MFNG: variants seen among roughly 807,000 people sequenced by gnomAD.
MFNG encodes beta-1,3-N-acetylglucosaminyltransferase manic fringe.
A neutral mutation model predicts 34.2 loss-of-function variants in MFNG; 24 were observed. The ratio of observed to expected loss-of-function variants is 0.70; its 90% CI spans 0.51 to 0.99. MFNG has a LOEUF of 0.99. MFNG is among the 50% of genes least tolerant of loss of function. MFNG has a pLI of 0.00. For synonymous variants in MFNG, 158 were observed against 179.2 expected, an observed-to-expected ratio of 0.88 and a Z score of 0.94; for missense variants, 383 against 424.0, an observed-to-expected ratio of 0.90 and a Z score of 0.85.
Position 37,478,035 on chromosome 22 carries a change from C to T in MFNG, c.562-1054G>A, listed in dbSNP as rs149223684. On this transcript the variant is annotated intron_variant, in intron 4 of 7. Transcript: ENST00000356998. ...GCAAACTGCTTAGGCAGAGGTGAGT[C>T]GCCAGCAGTGAAGTGGTGTGAGAGC... 1.8e-4 allele frequency among the ~76,000 whole-genome samples: 27 copies of T among 152,280 alleles called. No homozygotes were observed. In the Middle Eastern group the frequency reaches 0.017, roughly 96 times the overall value.
intron 5 of MFNG, among the ~76,000 whole-genome samples, chr22:37,476,101 C>T (rs1385067098): frequency 6.6e-6 from 1 of 152,076 alleles, no homozygotes; most frequent in Non-Finnish European, 1.5e-5. Flanking sequence ...CCTTCTCCCC[C>T]AGGTGTTGTG....
rs1922546380 is a variant in MFNG at position 37,486,155 on chromosome 22, C to A, written c.23G>T (p.Gly8Val). 6.3e-7 allele frequency: 1 copy of A among 1,584,930 alleles called. No homozygotes were observed. The highest frequency in any genetic ancestry group is 8.6e-7 in the Non-Finnish European group (1 of 1,161,830). Reference protein sequence around the residue: MQCRLPRGLAGALLTLLC... With the variant: MQCRLPRVLAGALLTLLC... ...GAGGGTGAGGAGGGCTCCAGCCAGG[C>A]CCCGCGGGAGCCGGCACTGCATTGG... is the stretch of plus-strand genomic sequence containing the variant. Residue 8 changes from glycine (G) to valine (V), a missense_variant, in exon 1 of 8, where the codon GGC (glycine) becomes GTC (valine). By Grantham distance (109) the Gly-to-Val change is moderately radical. Coordinates refer to ENST00000356998, the MANE Select transcript of MFNG (RefSeq NM_002405.4).
At chr22:37,480,915 G>A in intron 1 of MFNG, 146 bp from the exon 2 acceptor site, 2 of 695,718 alleles carry the variant, frequency 2.9e-6, no homozygotes, top group Non-Finnish European at 5.1e-6. Flanking sequence ...CGCTCCTTTA[G>A]GACAACATAC....
intron 1 of MFNG, chr22:37,484,377 G>C (rs1485537972): frequency 1.5e-5 from 2 of 132,156 alleles, no homozygotes; most frequent in Non-Finnish European, 3.4e-5. Flanking sequence ...TGAGGTCACA[G>C]AGAGAAGTGA....
chr22:37,480,789 G>T lies in MFNG; in HGVS notation c.256-20C>A, dbSNP rs1922260912. On this transcript the variant is annotated intron_variant, in intron 1 of 7. Transcript: ENST00000356998. ...AAATGTCTAGGAAGGAGAAGAAGGGGTCAGGACTCACATCGGCCCAAGGGA... is the reference window on the plus strand; with the variant it reads ...AAATGTCTAGGAAGGAGAAGAAGGGTTCAGGACTCACATCGGCCCAAGGGA... 1.2e-6 allele frequency: 2 copies of T among 1,611,852 alleles called. No individual in the cohort carries two copies. Among genetic ancestry groups the T allele is most frequent in the African/African-American group, 2.7e-5 (2 of 74,862 alleles).
intron 3 of MFNG, 131 bp from the exon 4 acceptor site, chr22:37,479,629 G>T: frequency 1.7e-6 from 2 of 1,175,144 alleles, no homozygotes; most frequent in Non-Finnish European, 2.4e-6. Flanking sequence ...TAAGGCATCT[G>T]TTTTGTGCCA....
chr22:37,472,666 G>A, intron 6 of MFNG, 138 bp from the exon 7 acceptor site: 1 of 765,984 alleles, frequency 1.3e-6, no homozygotes, highest in Non-Finnish European at 2.0e-6. Context: ...CGCTGGTGGT[G>A]GGAGCCCACC....
At chr22:37,480,684 TAA>T in intron 2 of MFNG, 35 bp downstream of exon 2, 1 of 1,605,634 alleles carries the variant, frequency 6.2e-7, no homozygotes, top group Admixed American at 1.7e-5. Flanking sequence ...AGGCAACAGC[TAA>T]AGTCCCCCAC....
Position 37,480,278 on chromosome 22 carries a change from T to A in MFNG, c.326A>T (p.Asn109Ile). 6.2e-7 allele frequency: 1 copy of A among 1,613,774 alleles called. No homozygotes were observed. Among genetic ancestry groups the A allele is most frequent in the Non-Finnish European group, 8.5e-7 (1 of 1,179,702 alleles). The change falls in exon 3 of 8, where the codon AAC becomes ATC. Residue 109 changes from asparagine (N) to isoleucine (I), a missense_variant. By Grantham distance (149) the Asn-to-Ile change is moderately radical. Transcript: ENST00000356998. ...TGGGTGGCTGTGTTCCGCGGAGCAG[T>A]TGGTGACCACAAGGTGGGACCCTGG... ...ERLGSHLVVTNCSAEHSHPAL... is the reference protein window; with the variant it reads ...ERLGSHLVVTICSAEHSHPAL...
At chr22:37,478,858 T>C (rs1435475092) in intron 4 of MFNG, among the ~76,000 whole-genome samples, 1 of 152,122 alleles carries the variant, frequency 6.6e-6, no homozygotes, top group Non-Finnish European at 1.5e-5. Flanking sequence ...TTTGTATTTT[T>C]AGTAGAGACG....
rs745727101 is a variant in MFNG at position 37,486,179 on chromosome 22, G to GGTT, written c.-5_-3dup. 4 of 1,556,842 alleles carry GGTT rather than the reference G, an allele frequency of 2.6e-6. No individual in the cohort carries two copies. The East Asian group carries it at 9.1e-5, about 35-fold the overall frequency. On this transcript the variant is annotated 5_prime_UTR_variant, in exon 1 of 8. Transcript: ENST00000356998. ...GCCCCGCGGGAGCCGGCACTGCATT[G>GGTT]GTTGGCCCTGGGACCCCAGACAGCT...
chr22:37,471,316 T>C (rs912570959), intron 7 of MFNG, among the ~76,000 whole-genome samples: 2 of 152,112 alleles, frequency 1.3e-5, no homozygotes, highest in Non-Finnish European at 2.9e-5. Context: ...AATAGAAGGG[T>C]TGGGGCTAGT....
intron 4 of MFNG, 28 bp downstream of exon 4, chr22:37,479,316 AG>A (rs751180905): frequency 6.5e-7 from 1 of 1,529,286 alleles, no homozygotes; most frequent in Non-Finnish European, 8.8e-7. Context: ...CAGCGGGCCA[AG>A]GGGCAAAGGA....
chr22:37,485,817 C>T lies in MFNG; in HGVS notation c.255+106G>A. The T allele has an allele frequency of 1.5e-6, 2 of 1,335,756 alleles. No homozygotes were observed. Among genetic ancestry groups the T allele is most frequent in the Non-Finnish European group, 2.0e-6 (2 of 984,952 alleles). The allele number at this position is 1,335,756 out of a possible 1,614,324, so 82.7% of individuals were successfully genotyped here. A position where few individuals can be genotyped will look rare whatever the true frequency, so the allele number is the denominator to read the frequency against. On this transcript the variant is annotated intron_variant, in intron 1 of 7. Transcript: ENST00000356998. The surrounding 1 kb of genome is among the most constrained non-coding windows in gnomAD (Gnocchi z 5.3). ...GATCCCTGATTAGGCAGGTATTGAG[C>T]AGCTTCTCCCATGAGGCAGTCAGGG...
rs1922367981 is a variant in MFNG at position 37,482,906 on chromosome 22, T to A, written c.256-2137A>T. ...GTGGTGGTCCAAGCCTAGACCCTGG[T>A]CCGCTTCTCCATGAAGCCCACTCCG... is the stretch of plus-strand genomic sequence containing the variant. On this transcript the variant is annotated intron_variant, in intron 1 of 7. Transcript: ENST00000356998. The surrounding 1 kb of genome is among the most constrained non-coding windows in gnomAD (Gnocchi z 4.1). 6.6e-6 allele frequency among the ~76,000 whole-genome samples: 1 copy of A among 152,158 alleles called. No homozygotes were observed. Among genetic ancestry groups the A allele is most frequent in the South Asian group, 2.1e-4 (1 of 4,830 alleles).
chr22:37,482,940 G>A lies in MFNG; in HGVS notation c.256-2171C>T, dbSNP rs1010378845. Reference sequence around the variant, plus strand: ...CCATGAAGCCCACTCCGTCAGTGACGCCATGCAGCCTCTCAGCTTTAAACA... The same window carrying A: ...CCATGAAGCCCACTCCGTCAGTGACACCATGCAGCCTCTCAGCTTTAAACA... On this transcript the variant is annotated intron_variant, in intron 1 of 7. Transcript: ENST00000356998. This position sits in a 1 kb window ranked among gnomAD's most constrained non-coding sequence, Gnocchi z 4.1. 2.0e-5 allele frequency among the ~76,000 whole-genome samples: 3 copies of A among 152,178 alleles called. No homozygotes were observed. The highest frequency in any genetic ancestry group is 2.9e-5 in the Non-Finnish European group (2 of 68,030).
At chr22:37,471,484 C>A (rs1486474826) in intron 7 of MFNG, among the ~76,000 whole-genome samples, 1 of 152,088 alleles carries the variant, frequency 6.6e-6, no homozygotes, top group Non-Finnish European at 1.5e-5. Flanking sequence ...GTCCATGTGT[C>A]CCCTCCCCCA....
At chr22:37,479,097 G>A (rs1041701057) in intron 4 of MFNG, among the ~76,000 whole-genome samples, 8 of 152,212 alleles carry the variant, frequency 5.3e-5, no homozygotes, top group South Asian at 4.1e-4. Flanking sequence ...AGGACAAGCC[G>A]TGGTTCCTGG....
chr22:37,480,482 C>G lies in MFNG; in HGVS notation c.305-183G>C, dbSNP rs116958658. Among the ~76,000 whole-genome samples, 15 of 152,350 alleles carry G rather than the reference C, an allele frequency of 9.8e-5. No homozygotes were observed. The East Asian group carries it at 2.9e-3, about 29-fold the overall frequency. On this transcript the variant is annotated intron_variant, in intron 2 of 7. Transcript: ENST00000356998. ...TGCCCAGGACCACAGACCTAGTGGA[C>G]AGCAGGCTGGGCTGGGACTCAGGTG...
Sources: gnomAD v4.1 joint callset for allele counts (sites outside exome capture counted in the v4.1 genomes callset) on GRCh38, gnomAD v4.1.1 for gene constraint, Gnocchi (gnomAD v3.1) non-coding constraint, MANE v1.5 for transcripts, NCBI Gene and HGNC (gene_info 2026-07-23, HGNC 2026-07-21) for gene names.